TYR: variants seen among roughly 807,000 people sequenced by gnomAD.
The protein encoded by TYR is LB24-AB.
A neutral mutation model predicts 51.5 loss-of-function variants in TYR; 58 were observed. That is an observed-to-expected ratio of 1.13 (90% CI 0.91 to 1.40). TYR has a LOEUF of 1.40. Ranked by LOEUF, TYR falls within the 40% of genes most tolerant of loss-of-function variation. TYR has a pLI of 0.00. For synonymous variants in TYR, 263 were observed against 235.2 expected (o/e 1.12, Z -1.08); for missense variants, 732 against 647.4 (o/e 1.13, Z -1.42).
intron 2 of TYR, among the ~76,000 whole-genome samples, chr11:89,213,829 C>T (rs1044832545): frequency 3.9e-5 from 6 of 152,250 alleles, no homozygotes; most frequent in African/African-American, 1.4e-4. Context: ...CTGACAAAAA[C>T]AAGTAATGGA....
intron 3 of TYR, among the ~76,000 whole-genome samples, chr11:89,284,447 C>A (rs530609157): frequency 4.6e-5 from 7 of 151,916 alleles, no homozygotes; most frequent in South Asian, 4.1e-4. Context: ...ATTTAATTTA[C>A]AACTATGACT....
At chr11:89,229,222 CAT>C (rs1319329580) in intron 3 of TYR, among the ~76,000 whole-genome samples, 5 of 152,138 alleles carry the variant, frequency 3.3e-5, no homozygotes, top group Non-Finnish European at 4.4e-5. Flanking sequence ...TGGCAACTCT[CAT>C]ATAATGAGAA....
At chr11:89,250,805 A>G (rs971142407) in intron 3 of TYR, among the ~76,000 whole-genome samples, 1 of 151,954 alleles carries the variant, frequency 6.6e-6, no homozygotes. Flanking sequence ...ATTCTGAGGT[A>G]CTTGGGATTA....
chr11:89,248,672 T>C (rs1329991253), intron 3 of TYR, among the ~76,000 whole-genome samples: 8 of 152,216 alleles, frequency 5.3e-5, no homozygotes, highest in Non-Finnish European at 1.5e-5. Context: ...ATTATTTTAA[T>C]CCAGGTGCTG....
chr11:89,246,910 G>T (rs1012138700), intron 3 of TYR, among the ~76,000 whole-genome samples: 4 of 152,108 alleles, frequency 2.6e-5, no homozygotes, highest in African/African-American at 9.7e-5. Flanking sequence ...CAGGGTTATG[G>T]GGGTAGGTAA....
At chr11:89,238,145 A>G (rs1410215417) in intron 3 of TYR, among the ~76,000 whole-genome samples, 1 of 152,062 alleles carries the variant, frequency 6.6e-6, no homozygotes, top group Non-Finnish European at 1.5e-5. Flanking sequence ...AATTCTTCCA[A>G]TTTTTGAAGA....
chr11:89,178,765 C>T lies in TYR; in HGVS notation c.812C>T (p.Ser271Phe), dbSNP rs769148847. Residue 271 changes from serine (S) to phenylalanine (F), a missense_variant, in exon 1 of 5, where the codon TCT becomes TTT. Transcript: ENST00000263321. ...NLLSPASFFS[S>F]WQIVCSRLEE... ...CTCAGCCCAGCATCATTCTTCTCCTCTTGGCAGGTAAGATATGCTAGATAT... is the reference window on the plus strand; with the variant it reads ...CTCAGCCCAGCATCATTCTTCTCCTTTTGGCAGGTAAGATATGCTAGATAT... The T allele has an allele frequency of 1.9e-6, 3 of 1,613,954 alleles. No homozygotes were observed. The African/African-American group carries it at 4.0e-5, about 22-fold the overall frequency.
chr11:89,294,313 T>G (rs1944882072), intron 4 of TYR: 1 of 152,640 alleles, frequency 6.6e-6, no homozygotes, highest in African/African-American at 2.4e-5. Flanking sequence ...GCTTTTGGGG[T>G]TTTTTTGTTT....
intron 2 of TYR, among the ~76,000 whole-genome samples, chr11:89,213,678 C>G (rs1265209123): frequency 6.6e-6 from 1 of 152,148 alleles, no homozygotes; most frequent in Non-Finnish European, 1.5e-5. Context: ...ATCATGCTAC[C>G]TGACTTCAAG....
In TYR at chr11:89,177,997, C is replaced by G. The variant is rs776657313; in HGVS notation, c.44C>G (p.Thr15Ser). 1.9e-6 allele frequency: 3 copies of G among 1,614,182 alleles called. No homozygotes were observed. The South Asian group carries it at 3.3e-5, about 18-fold the overall frequency. The change falls in exon 1 of 5, where the codon ACC becomes AGC. Residue 15 changes from threonine to serine, a missense_variant. Physicochemically the swap from Thr to Ser is moderately conservative, Grantham distance 58. Coordinates refer to ENST00000263321, the MANE Select transcript of TYR (RefSeq NM_000372.5). ...VLYCLLWSFQ[T>S]SAGHFPRACV... is the part of the protein sequence containing the mutation. ...TACTGCCTGCTGTGGAGTTTCCAGA[C>G]CTCCGCTGGCCATTTCCCTAGAGCC...
rs1266184994 is a variant in TYR at position 89,252,427 on chromosome 11, A to C, written c.1184+24457A>C. ...AAGTCCATAATGGGGCAGAAATGAA[A>C]GACTTGAGCCCACCCAAGGCTAGGA... is the stretch of plus-strand genomic sequence containing the variant. On this transcript the variant is annotated intron_variant, in intron 3 of 4. Transcript: ENST00000263321. 3.3e-5 allele frequency among the ~76,000 whole-genome samples: 5 copies of C among 151,696 alleles called. No homozygotes were observed. The Admixed American group carries it at 3.3e-4, about 10-fold the overall frequency.
intron 3 of TYR, among the ~76,000 whole-genome samples, chr11:89,267,134 A>G (rs1291696388): frequency 6.6e-6 from 1 of 151,964 alleles, no homozygotes; most frequent in East Asian, 1.9e-4. Context: ...GTTGATGCTT[A>G]GGGCTTAGGG....
chr11:89,234,789 G>A (rs150715034), intron 3 of TYR, among the ~76,000 whole-genome samples: 2 of 152,116 alleles, frequency 1.3e-5, no homozygotes, highest in East Asian at 1.9e-4. Context: ...CCATGGTCAC[G>A]TCAAAGATTT....
At chr11:89,181,239 C>T (rs1943295951) in intron 1 of TYR, among the ~76,000 whole-genome samples, 2 of 152,166 alleles carry the variant, frequency 1.3e-5, no homozygotes, top group Admixed American at 1.3e-4. Context: ...TGCTCTTGAA[C>T]TCTTGACCTC....
intron 2 of TYR, among the ~76,000 whole-genome samples, chr11:89,204,298 A>T (rs1943641289): frequency 6.6e-6 from 1 of 152,218 alleles, no homozygotes; most frequent in Non-Finnish European, 1.5e-5. Flanking sequence ...GTGGGGAGCC[A>T]GGTCGGTGGG....
chr11:89,232,506 T>C (rs887094014), intron 3 of TYR, among the ~76,000 whole-genome samples: 2 of 142,384 alleles, frequency 1.4e-5, no homozygotes, highest in Non-Finnish European at 3.0e-5. Context: ...TGGCTACATA[T>C]GAACATAAAG....
At chr11:89,231,299 G>C (rs1325014733) in intron 3 of TYR, among the ~76,000 whole-genome samples, 2 of 151,986 alleles carry the variant, frequency 1.3e-5, no homozygotes, top group East Asian at 3.9e-4. Flanking sequence ...TGATTCAGCA[G>C]TTCCACTCCT....
chr11:89,282,727 T>A (rs1171811085), intron 3 of TYR, among the ~76,000 whole-genome samples: 1 of 151,794 alleles, frequency 6.6e-6, no homozygotes, highest in Non-Finnish European at 1.5e-5. Flanking sequence ...GAAAAACTCA[T>A]CTTCTTAAAT....
intron 1 of TYR, among the ~76,000 whole-genome samples, chr11:89,180,358 T>C (rs572764781): frequency 2.0e-5 from 3 of 152,270 alleles, no homozygotes; most frequent in African/African-American, 7.2e-5. Flanking sequence ...CTGTCTAAAT[T>C]ACCAAAATAA....
Sources: allele counts gnomAD v4.1 joint callset (sites outside exome capture counted in the v4.1 genomes callset), GRCh38; gene constraint gnomAD v4.1.1; transcripts MANE v1.5; gene names NCBI Gene and HGNC (gene_info 2026-07-23, HGNC 2026-07-21).